NDUFAF6: variants seen among roughly 807,000 people sequenced by gnomAD.
NDUFAF6 encodes NADH:ubiquinone oxidoreductase complex assembly factor 6.
In NDUFAF6, 45 loss-of-function variants were observed where a neutral mutation model predicts 40.8. The ratio of observed to expected loss-of-function variants is 1.10; its 90% CI spans 0.87 to 1.42. The LOEUF is 1.42. Ranked by LOEUF, NDUFAF6 falls within the 40% of genes most tolerant of loss-of-function variation. The probability of loss-of-function intolerance (pLI) is 0.00; values close to 1 mark genes in which losing one functional copy is unlikely to be tolerated. For missense variants in NDUFAF6, 435 were observed against 418.5 expected, an observed-to-expected ratio of 1.04 and a Z score of -0.34; for synonymous variants, 185 against 155.9, an observed-to-expected ratio of 1.19 and a Z score of -1.39.
intron 1 of NDUFAF6, among the ~76,000 whole-genome samples, chr8:94,931,587 T>TACACACACACACACAC (rs557721378): frequency 1.5e-5 from 1 of 68,532 alleles, no homozygotes; most frequent in African/African-American, 3.4e-5. Context: ...ACATATTTAT[T>TACACACACACACACAC]ACACACACAC....
chr8:95,065,145 T>G (rs1330352750), intron 9 of NDUFAF6, among the ~76,000 whole-genome samples: 1 of 152,170 alleles, frequency 6.6e-6, no homozygotes, highest in Non-Finnish European at 1.5e-5. Flanking sequence ...TGAGCCTAGG[T>G]ATTAGCAAAT....
Position 95,058,322 on chromosome 8 carries a change from T to C in NDUFAF6, c.*385T>C. The C allele has an allele frequency of 7.9e-7, 1 of 1,265,366 alleles. No individual in the cohort carries two copies. The highest frequency in any genetic ancestry group is 3.4e-5 in the South Asian group (1 of 29,184). The allele number at this position is 1,265,366 out of a possible 1,614,324, so 78.4% of individuals were successfully genotyped here. On this transcript the variant is annotated 3_prime_UTR_variant, in exon 9 of 9. Transcript: ENST00000396124. ...AAAGGGCTCAAGTTATCATAGGGGC[T>C]TACATGCTGAGCAGCTATAACCTAG...
upstream of NDUFAF6, chr8:95,100,387 A>G (rs1298048232): frequency 6.6e-6 from 1 of 152,200 alleles, no homozygotes; most frequent in Non-Finnish European, 1.5e-5. Flanking sequence ...TTTTCTTCTT[A>G]AAGAAGAGGA....
rs1329353525 is a variant in NDUFAF6 at position 95,041,594 on chromosome 8, A to G, written c.445A>G (p.Lys149Glu). The G allele has an allele frequency of 5.0e-6, 8 of 1,612,292 alleles. No homozygotes were observed. Among genetic ancestry groups the G allele is most frequent in the African/African-American group, 1.3e-5 (1 of 74,896 alleles). ...GGCTGTTAAAAGACATAATCTGACTAAAAGATGGCTTATGAAAATCGTCGA... is the reference window on the plus strand; with the variant it reads ...GGCTGTTAAAAGACATAATCTGACTGAAAGATGGCTTATGAAAATCGTCGA... ...WKAVKRHNLTKRWLMKIVDER... is the reference protein window; with the variant it reads ...WKAVKRHNLTERWLMKIVDER... Residue 149 changes from lysine (K) to glutamate (E), a missense_variant, in exon 4 of 9, where the codon AAA (lysine) becomes GAA (glutamate). By Grantham distance (56) the Lys-to-Glu change is moderately conservative. Coordinates refer to ENST00000396124, the MANE Select transcript of NDUFAF6 (RefSeq NM_152416.4).
chr8:94,954,954 A>T (rs1035824012), upstream of NDUFAF6, among the ~76,000 whole-genome samples: 1 of 152,206 alleles, frequency 6.6e-6, no homozygotes, highest in Admixed American at 6.5e-5. Flanking sequence ...CAGGTAATCA[A>T]TTCTGTTGCA....
At chr8:94,996,365 T>C (rs115638387) in intron 2 of NDUFAF6, among the ~76,000 whole-genome samples, 1,537 of 152,284 alleles carry the variant, frequency 0.01, 27 homozygotes, top group African/African-American at 0.035. Flanking sequence ...ATTAATCACG[T>C]CCTCCATAAC....
In NDUFAF6 at chr8:94,935,471, A is replaced by G. The variant is rs111645697; in HGVS notation, c.-935-10012A>G. Among the ~76,000 whole-genome samples, 616 of 152,344 alleles carry G rather than the reference A, an allele frequency of 4.0e-3. 4 individuals are homozygous for G. The highest frequency in any genetic ancestry group is 0.013 in the African/African-American group (558 of 41,574). On this transcript the variant is annotated intron_variant, in intron 1 of 14. Coordinates refer to the NDUFAF6 transcript ENST00000396113. ...ATATGATGTCTGTAAATTCGGGGAA[A>G]CTTAAAAAGCCAGAAGGCAGAGATT...
At chr8:94,996,899 G>A (rs62523111) in intron 2 of NDUFAF6, among the ~76,000 whole-genome samples, 11,099 of 152,136 alleles carry the variant, frequency 0.073, 592 homozygotes, top group African/African-American at 0.15. Flanking sequence ...AGAGGCCTCA[G>A]AAGAAACCAG....
chr8:95,022,435 T>C (rs1202468668), upstream of NDUFAF6, among the ~76,000 whole-genome samples: 1 of 151,576 alleles, frequency 6.6e-6, no homozygotes, highest in Non-Finnish European at 1.5e-5. Context: ...TGGAACACTA[T>C]AGACACAAAG....
chr8:94,911,739 G>A, intron 1 of NDUFAF6, among the ~76,000 whole-genome samples: 1 of 152,224 alleles, frequency 6.6e-6, no homozygotes, highest in East Asian at 1.9e-4. Context: ...GATGTCTAAA[G>A]TTCAAGCTCA....
chr8:94,990,954 C>T (rs1372832999), intron 2 of NDUFAF6, among the ~76,000 whole-genome samples: 4 of 152,204 alleles, frequency 2.6e-5, no homozygotes, highest in African/African-American at 7.2e-5. Context: ...AAGCCTTATT[C>T]GCGAAGGGAC....
chr8:95,027,913 G>C (rs1354595354), intron 1 of NDUFAF6, among the ~76,000 whole-genome samples: 2 of 152,146 alleles, frequency 1.3e-5, no homozygotes, highest in Non-Finnish European at 2.9e-5. Context: ...TAGCAATTTA[G>C]GTTTTTGGGA....
intron 1 of NDUFAF6, among the ~76,000 whole-genome samples, chr8:94,971,927 GA>G (rs1226774601): frequency 1.7e-4 from 24 of 141,688 alleles, no homozygotes; most frequent in South Asian, 6.7e-4. Flanking sequence ...AACAAGAGCG[GA>G]AAAAAAAAAA....
At chr8:94,984,673 T>C (rs139280971) in intron 2 of NDUFAF6, among the ~76,000 whole-genome samples, 1 of 152,070 alleles carries the variant, frequency 6.6e-6, no homozygotes, top group Non-Finnish European at 1.5e-5. Context: ...ATTGGGAAAG[T>C]GGTGTTTGAG....
intron 1 of NDUFAF6, chr8:94,930,287 T>C: frequency 4.4e-6 from 3 of 677,174 alleles, no homozygotes; most frequent in Non-Finnish European, 7.1e-6. Flanking sequence ...AAAAAGTAAA[T>C]GTTAAAGGCA....
intron 2 of NDUFAF6, among the ~76,000 whole-genome samples, chr8:94,945,986 T>G (rs1821950333): frequency 6.6e-6 from 1 of 152,158 alleles, no homozygotes; most frequent in African/African-American, 2.4e-5. Context: ...AAAAATAAAT[T>G]ATGTCTTTTC....
intron 8 of NDUFAF6, among the ~76,000 whole-genome samples, chr8:95,054,179 C>T (rs1050809664): frequency 1.3e-5 from 2 of 151,288 alleles, no homozygotes; most frequent in Non-Finnish European, 2.9e-5. Flanking sequence ...ACTTCTGAAC[C>T]CAAGCAATCC....
intron 1 of NDUFAF6, among the ~76,000 whole-genome samples, chr8:94,904,120 T>G (rs181617650): frequency 6.6e-6 from 1 of 151,754 alleles, no homozygotes; most frequent in African/African-American, 2.4e-5. Context: ...ATGTGTTTTT[T>G]TGTTTTTGTT....
At chr8:94,938,206 C>T (rs1365129994) in intron 1 of NDUFAF6, among the ~76,000 whole-genome samples, 1 of 152,190 alleles carries the variant, frequency 6.6e-6, no homozygotes, top group African/African-American at 2.4e-5. Flanking sequence ...AATTAACCTG[C>T]AAACCTGAGT....
Sources: gnomAD v4.1 joint callset for allele counts (sites outside exome capture counted in the v4.1 genomes callset) on GRCh38, gnomAD v4.1.1 for gene constraint, MANE v1.5 for transcripts, NCBI Gene and HGNC (gene_info 2026-07-23, HGNC 2026-07-21) for gene names.